Variants in USH2A observed in about 807,000 individuals in gnomAD.
The protein encoded by USH2A is usherin, also known as Usher syndrome 2A (autosomal recessive, mild).
Under a neutral mutation model 538.9 loss-of-function variants are expected in USH2A, and 443 were observed. That is an observed-to-expected ratio of 0.82 (90% CI 0.76 to 0.89). The LOEUF is 0.89. Among genes scored for constraint, USH2A ranks in the 40% least tolerant of loss-of-function variants. USH2A has a pLI of 0.00. For synonymous variants in USH2A, 2,413 were observed against 2,273.5 expected, an observed-to-expected ratio of 1.06 and a Z score of -1.75; for missense variants, 6,633 against 6,324.8, an observed-to-expected ratio of 1.05 and a Z score of -1.65.
chr1:215,811,538 C>G (rs986519727), intron 49 of USH2A, among the ~76,000 whole-genome samples: 2 of 152,112 alleles, frequency 1.3e-5, no homozygotes, highest in Non-Finnish European at 2.9e-5. Context: ...ACAGCTCTGA[C>G]TCCCTATAAT....
At chr1:215,948,443 T>TATATAC (rs749886577) in intron 37 of USH2A, among the ~76,000 whole-genome samples, 6,648 of 146,934 alleles carry the variant, frequency 0.045, 155 homozygotes, top group Middle Eastern at 0.085. Context: ...TATATATATA[T>TATATAC]ACACACACAC....
At chr1:216,085,525 T>C (rs865990944) in intron 24 of USH2A, among the ~76,000 whole-genome samples, 1 of 152,154 alleles carries the variant, frequency 6.6e-6, no homozygotes, top group Admixed American at 6.5e-5. Flanking sequence ...TCCTTTCCTA[T>C]GGGGGCAAAG....
At chr1:215,771,626 T>TAAAAAA (rs1661291626) in intron 55 of USH2A, among the ~76,000 whole-genome samples, 2 of 96,692 alleles carry the variant, frequency 2.1e-5, no homozygotes, top group African/African-American at 4.0e-5. Context: ...AAAAAAAAAT[T>TAAAAAA]CAAGTGGGAC....
chr1:216,408,202 T>C lies in USH2A; in HGVS notation c.651+10312A>G, dbSNP rs114486554. Among the ~76,000 whole-genome samples, 454 of 152,278 alleles carry C rather than the reference T, an allele frequency of 3.0e-3. 5 individuals are homozygous for C. Among genetic ancestry groups the C allele is most frequent in the African/African-American group, 0.01 (430 of 41,568 alleles). On this transcript the variant is annotated intron_variant, in intron 3 of 71. Transcript: ENST00000307340. ...TGGAAGTGTTTCCATAGGGAAGTTT[T>C]CAATGAACTTAAATCTTTGCTATAA... is the stretch of plus-strand genomic sequence containing the variant.
In USH2A at chr1:216,422,193, T is replaced by C. The variant is rs2039689991; in HGVS notation, c.144A>G (p.Lys48=). Residue 48 remains lysine (K), a synonymous_variant, in exon 2 of 72, where the codon AAA becomes AAG. Transcript: ENST00000307340. Reference sequence around the variant, plus strand: ...CTGCTTGGGTTGGCACGATGGAAACTTTCTTGAAAGCTCCCACGTTCTCCA... The same window carrying C: ...CTGCTTGGGTTGGCACGATGGAAACCTTCTTGAAAGCTCCCACGTTCTCCA... ...PRLENVGAFK[K]VSIVPTQAVC... 6.2e-7 allele frequency: 1 copy of C among 1,612,448 alleles called. No homozygotes were observed. Among genetic ancestry groups the C allele is most frequent in the African/African-American group, 1.3e-5 (1 of 74,816 alleles).
intron 3 of USH2A, among the ~76,000 whole-genome samples, chr1:216,416,896 C>T (rs1413909234): frequency 1.3e-5 from 2 of 152,258 alleles, no homozygotes; most frequent in South Asian, 4.1e-4. Context: ...AAAGATGGCA[C>T]TGTCTTTAAA....
At chr1:215,965,807 A>G (rs570580897) in intron 36 of USH2A, among the ~76,000 whole-genome samples, 18 of 152,018 alleles carry the variant, frequency 1.2e-4, no homozygotes, top group Non-Finnish European at 2.2e-4. Flanking sequence ...TTTTTATGTG[A>G]TTGCAAAAGA....
intron 21 of USH2A, among the ~76,000 whole-genome samples, chr1:216,173,271 A>G (rs1024914876): frequency 6.6e-6 from 1 of 152,188 alleles, no homozygotes; most frequent in African/African-American, 2.4e-5. Context: ...CTGGCAAGTC[A>G]GCCAAAGGAT....
At chr1:215,727,697 T>G (rs979876792) in intron 61 of USH2A, among the ~76,000 whole-genome samples, 16 of 151,838 alleles carry the variant, frequency 1.1e-4, no homozygotes, top group African/African-American at 3.6e-4. Context: ...TCCACTCCAG[T>G]TTGGGTGACA....
intron 9 of USH2A, among the ~76,000 whole-genome samples, chr1:216,321,089 T>C (rs1382473839): frequency 6.6e-6 from 1 of 152,140 alleles, no homozygotes; most frequent in Non-Finnish European, 1.5e-5. Flanking sequence ...GCCACATACA[T>C]TTTTGTACAT....
intron 32 of USH2A, among the ~76,000 whole-genome samples, chr1:216,039,870 C>T (rs1168231829): frequency 1.3e-5 from 2 of 151,978 alleles, no homozygotes; most frequent in African/African-American, 4.8e-5. Context: ...GCTATTTACA[C>T]ATAGTTCTCT....
chr1:215,881,549 A>C (rs2102454051), intron 41 of USH2A, among the ~76,000 whole-genome samples: 1 of 152,314 alleles, frequency 6.6e-6, no homozygotes, highest in Admixed American at 6.5e-5. Context: ...ATGAGATTAA[A>C]ACTTTCAGTT....
At chr1:215,772,979 G>T (rs1661337423) in intron 55 of USH2A, among the ~76,000 whole-genome samples, 1 of 152,204 alleles carries the variant, frequency 6.6e-6, no homozygotes, top group Non-Finnish European at 1.5e-5. Flanking sequence ...CACCCAAACT[G>T]GATGTGTGGT....
chr1:215,821,112 A>G (rs1157386992), intron 47 of USH2A, among the ~76,000 whole-genome samples: 1 of 151,642 alleles, frequency 6.6e-6, no homozygotes, highest in Non-Finnish European at 1.5e-5. Context: ...CCCAGTAGTG[A>G]ATTGCTACAT....
chr1:215,854,475 G>A (rs1390624833), intron 44 of USH2A, among the ~76,000 whole-genome samples: 1 of 152,120 alleles, frequency 6.6e-6, no homozygotes, highest in Non-Finnish European at 1.5e-5. Flanking sequence ...TACTGAAGCA[G>A]CATCATTGTC....
intron 67 of USH2A, among the ~76,000 whole-genome samples, chr1:215,646,573 C>T (rs889781459): frequency 8.5e-5 from 13 of 152,182 alleles, no homozygotes; most frequent in African/African-American, 3.1e-4. Context: ...GTTGCCCAGG[C>T]TGGAGTACAG....
At chr1:216,328,722 C>T (rs1458847654) in intron 4 of USH2A, among the ~76,000 whole-genome samples, 8 of 151,686 alleles carry the variant, frequency 5.3e-5, no homozygotes, top group Non-Finnish European at 1.2e-4. Flanking sequence ...AATTAGCACA[C>T]GAAGTAGTCT....
intron 44 of USH2A, among the ~76,000 whole-genome samples, chr1:215,854,493 A>G (rs1388764382): frequency 6.6e-6 from 1 of 152,168 alleles, no homozygotes; most frequent in Non-Finnish European, 1.5e-5. Flanking sequence ...GTCTGGGGTA[A>G]ATATCCATGG....
intron 47 of USH2A, among the ~76,000 whole-genome samples, chr1:215,827,270 A>G (rs1225758448): frequency 1.3e-5 from 2 of 152,142 alleles, no homozygotes; most frequent in African/African-American, 2.4e-5. Flanking sequence ...AAAACAATGA[A>G]TGTTTAGAGA....
Sources: gnomAD v4.1 joint callset for allele counts (sites outside exome capture counted in the v4.1 genomes callset) on GRCh38, gnomAD v4.1.1 for gene constraint, MANE v1.5 for transcripts, NCBI Gene and HGNC (gene_info 2026-07-23, HGNC 2026-07-21) for gene names.